Variants in ADGRF5 observed in about 807,000 individuals in gnomAD.
ADGRF5 encodes adhesion G protein-coupled receptor F5.
ADGRF5 carries 75 observed loss-of-function variants against 132.3 expected under a neutral mutation model. That is an observed-to-expected ratio of 0.57 (90% confidence interval 0.47 to 0.69). The LOEUF (loss-of-function observed/expected upper bound fraction) is 0.69, where lower values mean the gene tolerates loss of function less well. Among genes scored for constraint, ADGRF5 ranks in the 30% least tolerant of loss-of-function variants. The pLI is 0.00. For missense variants in ADGRF5, 1,516 were observed against 1,630.6 expected (o/e 0.93, Z 1.21); for synonymous variants, 629 against 597.6 (o/e 1.05, Z -0.77).
At chr6:46,921,980 T>C (rs549260021), upstream of ADGRF5, 4 of 152,354 alleles carry the variant, frequency 2.6e-5, no homozygotes, top group East Asian at 7.7e-4. Context: ...CAAAAAGTGA[T>C]TTCCTGGTCC....
intron 10 of ADGRF5, among the ~76,000 whole-genome samples, chr6:46,877,507 T>A (rs950791173): frequency 6.6e-6 from 1 of 151,972 alleles, no homozygotes; most frequent in Non-Finnish European, 1.5e-5. Flanking sequence ...TTAAAAGCAG[T>A]AACATATTTT....
At chr6:46,928,117 C>T (rs965474700) in intron 1 of ADGRF5, among the ~76,000 whole-genome samples, 17 of 152,128 alleles carry the variant, frequency 1.1e-4, no homozygotes, top group African/African-American at 3.1e-4. Flanking sequence ...GGGTTCCAGA[C>T]GAAGCATAAC....
Position 46,852,892 on chromosome 6 carries a change from C to T in ADGRF5, c.*1100G>A, listed in dbSNP as rs1312623570. ...ATGCAACACACCAAGGGCCAGTATC[C>T]ACAATAATAATAACAGTGACAACAG... On this transcript the variant is annotated 3_prime_UTR_variant, in exon 21 of 21. Coordinates refer to ENST00000283296, the MANE Select transcript of ADGRF5 (RefSeq NM_001098518.2). The T allele has an allele frequency of 6.6e-6, 1 of 152,372 alleles. No homozygotes were observed. Among genetic ancestry groups the T allele is most frequent in the Admixed American group, 6.6e-5 (1 of 15,260 alleles). The allele number at this position is 152,372 out of a possible 1,614,324, so 9.4% of individuals were successfully genotyped here. A position where few individuals can be genotyped will look rare whatever the true frequency, so the allele number is the denominator to read the frequency against.
intron 3 of ADGRF5, among the ~76,000 whole-genome samples, chr6:46,896,531 T>C (rs1257337661): frequency 6.6e-6 from 1 of 152,188 alleles, no homozygotes; most frequent in Non-Finnish European, 1.5e-5. Flanking sequence ...TTTCTTTGTT[T>C]AAATTTCTTT....
chr6:46,912,966 T>A (rs969459601), intron 1 of ADGRF5, among the ~76,000 whole-genome samples: 3 of 152,208 alleles, frequency 2.0e-5, no homozygotes, highest in Non-Finnish European at 2.9e-5. Flanking sequence ...GACTGTGTCT[T>A]GTTACAGTCA....
chr6:46,856,994 A>C lies in ADGRF5; in HGVS notation c.3775-86T>G, dbSNP rs1028429564. ...AGGAAGTACTGTTAACCTGGTGTTAAATTTGTACTACTTCTTTTTCCTTCT... is the reference window on the plus strand; with the variant it reads ...AGGAAGTACTGTTAACCTGGTGTTACATTTGTACTACTTCTTTTTCCTTCT... On this transcript the variant is annotated intron_variant, in intron 17 of 20. Transcript: ENST00000283296. 13 of 991,876 alleles carry C rather than the reference A, an allele frequency of 1.3e-5. No individual in the cohort carries two copies. The African/African-American group carries it at 2.1e-4, about 16-fold the overall frequency. 61.4% of individuals were successfully genotyped at this position (991,876 alleles called of 1,614,324 possible).
chr6:46,935,547 G>A (rs780720041), intron 1 of ADGRF5, among the ~76,000 whole-genome samples: 1 of 152,156 alleles, frequency 6.6e-6, no homozygotes, highest in Non-Finnish European at 1.5e-5. Context: ...CAGACCCAAG[G>A]AGGGTAGAGG....
intron 3 of ADGRF5, among the ~76,000 whole-genome samples, chr6:46,897,032 G>A (rs1295272281): frequency 6.6e-6 from 1 of 151,760 alleles, no homozygotes; most frequent in Non-Finnish European, 1.5e-5. Context: ...TATCTGAGGG[G>A]TTCCTGGAAC....
intron 10 of ADGRF5, among the ~76,000 whole-genome samples, chr6:46,872,858 C>A (rs1771238328): frequency 6.6e-6 from 1 of 152,274 alleles, no homozygotes; most frequent in East Asian, 1.9e-4. Flanking sequence ...AAGAATAAGC[C>A]TTTTGATTAG....
intron 1 of ADGRF5, among the ~76,000 whole-genome samples, chr6:46,954,011 C>T (rs1449526247): frequency 6.6e-6 from 1 of 151,960 alleles, no homozygotes; most frequent in Non-Finnish European, 1.5e-5. Context: ...CCTGGCTCCT[C>T]TCTGAGTCTC....
At chr6:46,887,198 T>C (rs1336314499) in intron 4 of ADGRF5, among the ~76,000 whole-genome samples, 1 of 152,198 alleles carries the variant, frequency 6.6e-6, no homozygotes, top group Non-Finnish European at 1.5e-5. Context: ...CTGGATTCAC[T>C]TACTAGCACC....
At chr6:46,899,361 G>A (rs558058269) in intron 3 of ADGRF5, among the ~76,000 whole-genome samples, 89 of 152,218 alleles carry the variant, frequency 5.8e-4, no homozygotes, top group Non-Finnish European at 1.1e-3. Context: ...GACAGGATCC[G>A]ATTTGTGCTT....
chr6:46,868,527 T>A (rs1456962509), intron 12 of ADGRF5, among the ~76,000 whole-genome samples: 1 of 152,182 alleles, frequency 6.6e-6, no homozygotes, highest in Non-Finnish European at 1.5e-5. Context: ...GCTTATAAAA[T>A]CTTTACCTAG....
At position 46,929,913 on chromosome 6, in the gene ADGRF5, C is replaced by T. The variant is rs994445858; in HGVS notation, c.-24-23127G>A. On this transcript the variant is annotated intron_variant, in intron 1 of 20. Coordinates refer to the ADGRF5 transcript ENST00000265417. ...TTGGGTCAGTGCAACCTCCACTTCC[C>T]GGGATCAAGCAATTCTCCTGTCTCA... Among the ~76,000 whole-genome samples the T allele has an allele frequency of 6.6e-5, 10 of 152,196 alleles. No individual in the cohort carries two copies. In the East Asian group the frequency reaches 9.7e-4, roughly 15 times the overall value.
At chr6:46,939,769 C>A (rs1174577542) in intron 1 of ADGRF5, among the ~76,000 whole-genome samples, 1 of 152,076 alleles carries the variant, frequency 6.6e-6, no homozygotes. Flanking sequence ...TGTATTTAGC[C>A]CATTTTTTCT....
At chr6:46,920,554 G>T (rs1776835961) in intron 1 of ADGRF5, among the ~76,000 whole-genome samples, 2 of 149,682 alleles carry the variant, frequency 1.3e-5, no homozygotes, top group African/African-American at 2.5e-5. Context: ...TGTATATTGG[G>T]GGTGCAATTG....
intron 3 of ADGRF5, among the ~76,000 whole-genome samples, chr6:46,893,140 A>G (rs768209525): frequency 2.9e-4 from 40 of 137,808 alleles, no homozygotes; most frequent in Non-Finnish European, 5.6e-4. Flanking sequence ...AGAGACTCAG[A>G]TGAAGTAAGG....
chr6:46,926,079 A>T (rs1314879979), upstream of ADGRF5, among the ~76,000 whole-genome samples: 1 of 152,210 alleles, frequency 6.6e-6, no homozygotes, highest in Non-Finnish European at 1.5e-5. Flanking sequence ...GCAGTTTCAT[A>T]GTATACAAAT....
At chr6:46,949,879 C>T (rs1055991843) in intron 1 of ADGRF5, among the ~76,000 whole-genome samples, 2 of 152,064 alleles carry the variant, frequency 1.3e-5, no homozygotes, top group African/African-American at 4.8e-5. Flanking sequence ...TGAAGTTTTC[C>T]CTCCTCATTG....
Sources: gnomAD v4.1 joint callset for allele counts (sites outside exome capture counted in the v4.1 genomes callset) on GRCh38, gnomAD v4.1.1 for gene constraint, MANE v1.5 for transcripts, NCBI Gene and HGNC (gene_info 2026-07-23, HGNC 2026-07-21) for gene names.